Variants in PGR observed in about 807,000 individuals in gnomAD.
PGR encodes the protein nuclear receptor subfamily 3 group C member 3.
In PGR, 25 loss-of-function variants were observed where a neutral mutation model predicts 76.1. The observed-to-expected ratio is 0.33, with a 90% CI of 0.24 to 0.46. PGR has a LOEUF of 0.46. Ranked by LOEUF, PGR falls within the 20% of genes least tolerant of loss-of-function variation. PGR has a pLI of 1.00. For missense variants in PGR, 1,172 were observed against 1,225.3 expected (o/e 0.96, Z 0.65); for synonymous variants, 579 against 535.0 (o/e 1.08, Z -1.14).
In PGR at chr11:101,128,131, C is replaced by T. The variant is rs767505462; in HGVS notation, c.940G>A (p.Ala314Thr). The T allele has an allele frequency of 3.1e-6, 5 of 1,598,492 alleles. No homozygotes were observed. In the Admixed American group the frequency reaches 6.7e-5, roughly 21 times the overall value. Residue 314 changes from alanine to threonine, a missense_variant, in exon 1 of 8, where the codon GCC (alanine) becomes ACC (threonine). Coordinates refer to ENST00000325455, the MANE Select transcript of PGR (RefSeq NM_000926.4). ...TGCCGAGTGCGGGCTGCCAATAAGGCGTGATTGAGAGGCAGGATAGGCACG... is the reference window on the plus strand; with the variant it reads ...TGCCGAGTGCGGGCTGCCAATAAGGTGTGATTGAGAGGCAGGATAGGCACG... ...IHVPILPLNH[A>T]LLAARTRQLL...
Position 101,056,543 on chromosome 11 carries a change from AG to A in PGR, c.2213-4976del, listed in dbSNP as rs549888526. ...AGGCTGAAGTTACTGGGGAGGCTGA[AG>A]CAGGACGATGGCTTGAGCCCAGGAG... is the stretch of plus-strand genomic sequence containing the variant. On this transcript the variant is annotated intron_variant, in intron 4 of 7. Transcript: ENST00000325455. 5.3e-5 allele frequency among the ~76,000 whole-genome samples: 8 copies of A among 151,346 alleles called. No individual in the cohort carries two copies. The South Asian group carries it at 1.7e-3, about 32-fold the overall frequency.
At chr11:101,044,025 C>T (rs1859781120) in intron 6 of PGR, among the ~76,000 whole-genome samples, 1 of 152,116 alleles carries the variant, frequency 6.6e-6, no homozygotes, top group African/African-American at 2.4e-5. Context: ...TTCATTAGCC[C>T]CTAACAAGAG....
rs1011096485 is a variant in PGR, at chr11:101,032,144, T to C, written c.*6972A>G. On this transcript the variant is annotated 3_prime_UTR_variant, in exon 8 of 8. Transcript: ENST00000325455. Reference sequence around the variant, plus strand: ...ATCTGGCCTTGTGTTTGACAATTTATATGGTGTATTTCATCTCCTTTCGTC... The same window carrying C: ...ATCTGGCCTTGTGTTTGACAATTTACATGGTGTATTTCATCTCCTTTCGTC... 9 of 232,854 alleles carry C rather than the reference T, an allele frequency of 3.9e-5. No homozygotes were observed. Among genetic ancestry groups the C allele is most frequent in the Non-Finnish European group, 6.8e-5 (8 of 117,876 alleles). The allele number at this position is 232,854 out of a possible 1,614,324, so 14.4% of individuals were successfully genotyped here.
chr11:101,078,847 T>C (rs1362181182), intron 3 of PGR, among the ~76,000 whole-genome samples: 1 of 152,222 alleles, frequency 6.6e-6, no homozygotes, highest in African/African-American at 2.4e-5. Context: ...TATTCTCTCA[T>C]GTTTTATCTT....
chr11:101,101,418 A>C (rs1268254778), intron 2 of PGR, among the ~76,000 whole-genome samples: 1 of 152,224 alleles, frequency 6.6e-6, no homozygotes, highest in African/African-American at 2.4e-5. Flanking sequence ...TTCCATTATT[A>C]AGTGTATTTT....
chr11:101,069,758 A>C (rs1860853715), intron 3 of PGR, among the ~76,000 whole-genome samples: 1 of 152,192 alleles, frequency 6.6e-6, no homozygotes, highest in Non-Finnish European at 1.5e-5. Context: ...ACACAAGAAC[A>C]GAAAACCAAA....
At position 101,128,041 on chromosome 11, in the gene PGR, T is replaced by A. The variant is rs1357912179; in HGVS notation, c.1030A>T (p.Ser344Cys). The change falls in exon 1 of 8, where the codon AGT (serine) becomes TGT (cysteine). Residue 344 changes from serine (S) to cysteine (C), a missense_variant. By Grantham distance (112) the Ser-to-Cys change is moderately radical. Transcript: ENST00000325455. ...GAASAFAPPR[S>C]SPCASSTPVA... ...GGGGTGGACGAGGCACAGGGTGAACTCCGCGGCGGGGCAAAGGCGCTGGCA... is the reference window on the plus strand; with the variant it reads ...GGGGTGGACGAGGCACAGGGTGAACACCGCGGCGGGGCAAAGGCGCTGGCA... 1.2e-6 allele frequency: 2 copies of A among 1,605,368 alleles called. No individual in the cohort carries two copies. Among genetic ancestry groups the A allele is most frequent in the Non-Finnish European group, 1.7e-6 (2 of 1,179,756 alleles).
At chr11:101,049,700 C>T (rs1184976632) in intron 6 of PGR, among the ~76,000 whole-genome samples, 1 of 151,826 alleles carries the variant, frequency 6.6e-6, no homozygotes. Flanking sequence ...ATCATTTTAT[C>T]TAAAATAAAA....
At chr11:101,095,629 T>C (rs1453989906) in intron 2 of PGR, among the ~76,000 whole-genome samples, 1 of 152,202 alleles carries the variant, frequency 6.6e-6, no homozygotes, top group Non-Finnish European at 1.5e-5. Context: ...ACTGTTTAAG[T>C]GTGAATGTCA....
chr11:101,098,315 AC>A (rs1414371212), intron 2 of PGR, among the ~76,000 whole-genome samples: 2 of 152,220 alleles, frequency 1.3e-5, no homozygotes, highest in Non-Finnish European at 2.9e-5. Flanking sequence ...GCACAAGTGA[AC>A]ATAGTTCACT....
At chr11:101,081,528 T>C (rs1335894210) in intron 3 of PGR, among the ~76,000 whole-genome samples, 1 of 151,710 alleles carries the variant, frequency 6.6e-6, no homozygotes, top group Non-Finnish European at 1.5e-5. Context: ...GCAGATCACA[T>C]AAAAAGGGAA....
chr11:101,066,940 A>G (rs1427296122), intron 3 of PGR, among the ~76,000 whole-genome samples: 1 of 152,190 alleles, frequency 6.6e-6, no homozygotes, highest in Non-Finnish European at 1.5e-5. Context: ...ACTATTTTCT[A>G]TACAACTTTA....
At chr11:101,065,615 C>A (rs2124761) in intron 3 of PGR, among the ~76,000 whole-genome samples, 9,080 of 152,086 alleles carry the variant, frequency 0.06, 721 homozygotes, top group African/African-American at 0.18. Flanking sequence ...TATTTTTGCA[C>A]CTCTGAAAAA....
intron 3 of PGR, among the ~76,000 whole-genome samples, chr11:101,091,324 G>C (rs957729054): frequency 6.6e-6 from 1 of 152,178 alleles, no homozygotes; most frequent in Non-Finnish European, 1.5e-5. Context: ...ACTTGGAGAA[G>C]CTAGTAAGCA....
Position 101,036,989 on chromosome 11 carries a change from G to T in PGR, c.*2127C>A. 1 of 199,298 alleles carries T rather than the reference G, an allele frequency of 5.0e-6. No homozygotes were observed. Among genetic ancestry groups the T allele is most frequent in the Non-Finnish European group, 1.0e-5 (1 of 96,446 alleles). The allele number at this position is 199,298 out of a possible 1,614,324, so 12.3% of individuals were successfully genotyped here. A position where few individuals can be genotyped will look rare whatever the true frequency, so the allele number is the denominator to read the frequency against. ...TGTTTCTTGGGGTTTTTTTTGGATAGACCTACATTCATTTTCTTGTGTCAC... is the reference window on the plus strand; with the variant it reads ...TGTTTCTTGGGGTTTTTTTTGGATATACCTACATTCATTTTCTTGTGTCAC... On this transcript the variant is annotated 3_prime_UTR_variant, in exon 8 of 8. Coordinates refer to ENST00000325455, the MANE Select transcript of PGR (RefSeq NM_000926.4).
chr11:101,069,607 C>A (rs1860845958), intron 3 of PGR, among the ~76,000 whole-genome samples: 1 of 152,134 alleles, frequency 6.6e-6, no homozygotes, highest in Admixed American at 6.5e-5. Flanking sequence ...TTGGAGCCAA[C>A]CCAAATCCTC....
chr11:101,104,578 T>C (rs1862092125), intron 2 of PGR, among the ~76,000 whole-genome samples: 1 of 152,246 alleles, frequency 6.6e-6, no homozygotes, highest in South Asian at 2.1e-4. Context: ...ATGTGAACTC[T>C]ACATAATTGG....
At chr11:101,102,864 G>C (rs867332596) in intron 2 of PGR, among the ~76,000 whole-genome samples, 4 of 146,498 alleles carry the variant, frequency 2.7e-5, no homozygotes, top group East Asian at 2.1e-4. Flanking sequence ...AGTGAGGGGT[G>C]GGGGGGGTTG....
chr11:101,102,563 G>C (rs1239073311), intron 2 of PGR, among the ~76,000 whole-genome samples: 2 of 152,168 alleles, frequency 1.3e-5, no homozygotes, highest in African/African-American at 4.8e-5. Flanking sequence ...CTATCTAGCA[G>C]AGTGTGAAAG....
Sources: gnomAD v4.1 joint callset for allele counts (sites outside exome capture counted in the v4.1 genomes callset) on GRCh38, gnomAD v4.1.1 for gene constraint, MANE v1.5 for transcripts, NCBI Gene and HGNC (gene_info 2026-07-23, HGNC 2026-07-21) for gene names.